PLAG1: variants seen among roughly 807,000 people sequenced by gnomAD.
The protein encoded by PLAG1 is zinc finger protein PLAG1.
PLAG1 carries 7 observed loss-of-function variants against 35.5 expected under a neutral mutation model. The ratio of observed to expected loss-of-function variants is 0.20; its 90% confidence interval spans 0.11 to 0.37. The LOEUF (loss-of-function observed/expected upper bound fraction) is 0.37. Among genes scored for constraint, PLAG1 ranks in the 10% least tolerant of loss-of-function variants. The pLI is 1.00. For synonymous variants in PLAG1, 229 were observed against 225.4 expected, an observed-to-expected ratio of 1.02 and a Z score of -0.14; for missense variants, 454 against 602.8, an observed-to-expected ratio of 0.75 and a Z score of 2.58.
chr8:56,163,933 A>AT lies in PLAG1; in HGVS notation c.*2309dup, dbSNP rs1811280961. 1.1e-5 allele frequency: 2 copies of AT among 182,638 alleles called. No individual in the cohort carries two copies. Among genetic ancestry groups the AT allele is most frequent in the Non-Finnish European group, 2.3e-5 (2 of 85,554 alleles). 11.3% of individuals were successfully genotyped at this position (182,638 alleles called of 1,614,324 possible). ...GTTTTCTATTTGTGCTCTGTCACCA[A>AT]TTTTTTTCCTTTTATATGGTGATTA... On this transcript the variant is annotated 3_prime_UTR_variant, in exon 5 of 5. Transcript: ENST00000316981.
intron 1 of PLAG1, among the ~76,000 whole-genome samples, chr8:56,192,804 C>G (rs1338401398): frequency 6.6e-6 from 1 of 152,154 alleles, no homozygotes; most frequent in Non-Finnish European, 1.5e-5. Flanking sequence ...AAAAGCAGAA[C>G]CTGAACCTTA....
Position 56,166,585 on chromosome 8 carries a change from C to T in PLAG1, c.1161G>A (p.Gln387=), listed in dbSNP as rs1423521281. ...SSSSKLGLDP[Q]IGSLDDGAGD... The stretch of plus-strand genomic sequence containing the variant: ...CTGCACCATCATCTAGGGACCCAAT[C>T]TGAGGATCCAACCCTAGCTTAGATG... Residue 387 remains glutamine (Q), a synonymous_variant, in exon 5 of 5, where the codon CAG becomes CAA. Coordinates refer to ENST00000316981, the MANE Select transcript of PLAG1 (RefSeq NM_002655.3). The T allele has an allele frequency of 6.2e-7, 1 of 1,613,820 alleles. No individual in the cohort carries two copies. The highest frequency in any genetic ancestry group is 1.3e-5 in the African/African-American group (1 of 74,894).
chr8:56,206,034 T>C (rs1812691334), intron 1 of PLAG1, among the ~76,000 whole-genome samples: 1 of 152,022 alleles, frequency 6.6e-6, no homozygotes, highest in South Asian at 2.1e-4. Context: ...AAATAAGATA[T>C]TTCTGTTTTA....
At position 56,164,900 on chromosome 8, in the gene PLAG1, GAA is replaced by G. The variant is rs979011808; in HGVS notation, c.*1341_*1342del. ...CTCCTATCATTTCCCAGAGATGCAT[GAA>G]AGTGGGATTTTACTGTATATATTTC... On this transcript the variant is annotated 3_prime_UTR_variant, in exon 5 of 5. Coordinates refer to ENST00000316981, the MANE Select transcript of PLAG1 (RefSeq NM_002655.3). 9 of 210,224 alleles carry G rather than the reference GAA, an allele frequency of 4.3e-5. No homozygotes were observed. In the Admixed American group the frequency reaches 5.3e-4, roughly 12 times the overall value. The allele number at this position is 210,224 out of a possible 1,614,324, so 13.0% of individuals were successfully genotyped here.
At chr8:56,206,538 CA>C (rs1338834789) in intron 1 of PLAG1, among the ~76,000 whole-genome samples, 1 of 151,890 alleles carries the variant, frequency 6.6e-6, no homozygotes, top group Non-Finnish European at 1.5e-5. Flanking sequence ...TAGTTACCTC[CA>C]AAGTAGTCTT....
intron 1 of PLAG1, among the ~76,000 whole-genome samples, chr8:56,192,219 T>G (rs976844115): frequency 6.6e-6 from 1 of 152,212 alleles, no homozygotes; most frequent in Non-Finnish European, 1.5e-5. Flanking sequence ...AAAGCTGCCA[T>G]GCAATTGCCA....
In PLAG1 at chr8:56,168,365, C is replaced by A; in HGVS notation, c.-96G>T. On this transcript the variant is annotated 5_prime_UTR_variant, in exon 4 of 5. Transcript: ENST00000316981. ...GGTGGCTTCTCAAGTTTCATGTGGT[C>A]GTAAAAGAAAGCAAAAAGGGACTGG... The A allele has an allele frequency of 5.9e-6, 8 of 1,346,080 alleles. No individual in the cohort carries two copies. In the South Asian group the frequency reaches 8.0e-5, roughly 13 times the overall value. 83.4% of individuals were successfully genotyped at this position (1,346,080 alleles called of 1,614,324 possible). A position where few individuals can be genotyped will look rare whatever the true frequency, so the allele number is the denominator to read the frequency against.
chr8:56,180,138 C>CA (rs1236171830), intron 1 of PLAG1, among the ~76,000 whole-genome samples: 6 of 152,132 alleles, frequency 3.9e-5, no homozygotes, highest in Non-Finnish European at 8.8e-5. Context: ...CTGAAGTATT[C>CA]AATGTTTGCA....
chr8:56,195,377 C>G (rs1812329161), intron 1 of PLAG1, among the ~76,000 whole-genome samples: 1 of 152,210 alleles, frequency 6.6e-6, no homozygotes, highest in Non-Finnish European at 1.5e-5. Flanking sequence ...CCTGAACAGT[C>G]AGCACAGGGC....
intron 3 of PLAG1, among the ~76,000 whole-genome samples, chr8:56,169,963 T>G (rs1298155259): frequency 6.6e-6 from 1 of 152,246 alleles, no homozygotes; most frequent in African/African-American, 2.4e-5. Context: ...CCCAAGCTAC[T>G]ACCAAGTTAC....
rs1338076237 is a variant in PLAG1 at position 56,178,679 on chromosome 8, T to C, written c.-217+730A>G. 2.0e-5 allele frequency among the ~76,000 whole-genome samples: 3 copies of C among 152,236 alleles called. No homozygotes were observed. In the East Asian group the frequency reaches 5.8e-4, roughly 29 times the overall value. ...GTTCAGGAGCCCATCCCCTGGTATC[T>C]GTCACAGCCACCATTGTTTTTTTTT... On this transcript the variant is annotated intron_variant, in intron 2 of 4. Coordinates refer to ENST00000316981, the MANE Select transcript of PLAG1 (RefSeq NM_002655.3).
intron 1 of PLAG1, among the ~76,000 whole-genome samples, chr8:56,200,837 C>T (rs1454328823): frequency 2.0e-5 from 3 of 152,132 alleles, no homozygotes; most frequent in Non-Finnish European, 4.4e-5. Flanking sequence ...CTGTCTTTAC[C>T]ATTCATTTAG....
chr8:56,183,477 T>C (rs1811932669), intron 1 of PLAG1, among the ~76,000 whole-genome samples: 1 of 152,198 alleles, frequency 6.6e-6, no homozygotes, highest in South Asian at 2.1e-4. Flanking sequence ...TGGGGAAAGT[T>C]ACAATGTTAA....
chr8:56,176,352 T>C (rs1211935667), intron 2 of PLAG1, among the ~76,000 whole-genome samples: 2 of 140,644 alleles, frequency 1.4e-5, no homozygotes, highest in Non-Finnish European at 3.0e-5. Flanking sequence ...CATGCCCAAC[T>C]GAAAGCTCCC....
chr8:56,178,712 C>T (rs1187371054), intron 2 of PLAG1, among the ~76,000 whole-genome samples: 1 of 151,974 alleles, frequency 6.6e-6, no homozygotes, highest in South Asian at 2.1e-4. Context: ...TTTCCAGTCT[C>T]CCCGTCCTAG....
chr8:56,172,207 A>G (rs1811549476), intron 2 of PLAG1, among the ~76,000 whole-genome samples: 1 of 152,242 alleles, frequency 6.6e-6, no homozygotes, highest in Non-Finnish European at 1.5e-5. Flanking sequence ...TTCATACTTG[A>G]AGAATTTGAT....
At chr8:56,203,066 T>G (rs1003481959) in intron 1 of PLAG1, among the ~76,000 whole-genome samples, 2 of 152,094 alleles carry the variant, frequency 1.3e-5, no homozygotes, top group African/African-American at 4.8e-5. Flanking sequence ...CTTTGAAGAA[T>G]AATGAAAATA....
intron 2 of PLAG1, among the ~76,000 whole-genome samples, chr8:56,178,541 T>C (rs1811774739): frequency 6.6e-6 from 1 of 152,192 alleles, no homozygotes; most frequent in Non-Finnish European, 1.5e-5. Context: ...GTTGTTCTTA[T>C]AGAAAATTTT....
At chr8:56,187,660 GT>G (rs1011696392) in intron 1 of PLAG1, among the ~76,000 whole-genome samples, 1 of 151,856 alleles carries the variant, frequency 6.6e-6, no homozygotes, top group Admixed American at 6.6e-5. Flanking sequence ...ATAAGGGTTT[GT>G]TTTTTTTGGG....
Sources: gnomAD v4.1 joint callset for allele counts (sites outside exome capture counted in the v4.1 genomes callset) on GRCh38, gnomAD v4.1.1 for gene constraint, MANE v1.5 for transcripts, NCBI Gene and HGNC (gene_info 2026-07-23, HGNC 2026-07-21) for gene names.